The following NKAIN3 variants were observed in gnomAD, a reference collection of about 807,000 sequenced individuals.
NKAIN3 encodes the protein sodium/potassium transporting ATPase interacting 3, also known as sodium/potassium-transporting ATPase subunit beta-1-interacting protein 3.
A neutral mutation model predicts 30.2 loss-of-function variants in NKAIN3; 25 were observed. The observed-to-expected ratio is 0.83, with a 90% CI of 0.60 to 1.16. The LOEUF is 1.16. Among genes scored for constraint, NKAIN3 ranks in the 50% most tolerant of loss-of-function variants. The pLI, the probability that NKAIN3 is intolerant of heterozygous loss-of-function variation, is 0.00. For missense variants in NKAIN3, 225 were observed against 254.1 expected (o/e 0.89, Z 0.78); for synonymous variants, 91 against 89.6 (o/e 1.02, Z -0.09).
At chr8:62,680,971 G>A (rs1246612740) in intron 3 of NKAIN3, among the ~76,000 whole-genome samples, 1 of 152,086 alleles carries the variant, frequency 6.6e-6, no homozygotes, top group African/African-American at 2.4e-5. Context: ...ATACTTTTAT[G>A]AGACAGTAGC....
intron 4 of NKAIN3, among the ~76,000 whole-genome samples, chr8:62,835,018 G>A (rs1185391570): frequency 6.6e-6 from 1 of 151,902 alleles, no homozygotes; most frequent in East Asian, 1.9e-4. Context: ...CAAAACTAAA[G>A]CCACACAAGT....
chr8:62,479,458 A>C (rs1308007066), intron 1 of NKAIN3, among the ~76,000 whole-genome samples: 1 of 152,174 alleles, frequency 6.6e-6, no homozygotes, highest in Non-Finnish European at 1.5e-5. Context: ...TCTGAGTTCC[A>C]AAGGCCCTGT....
At chr8:62,434,566 G>T (rs900066588) in intron 1 of NKAIN3, among the ~76,000 whole-genome samples, 2 of 152,116 alleles carry the variant, frequency 1.3e-5, no homozygotes, top group African/African-American at 4.8e-5. Flanking sequence ...GGAAAAGACT[G>T]CTTTTTCTCT....
intron 6 of NKAIN3, among the ~76,000 whole-genome samples, chr8:62,960,175 A>T (rs1447353743): frequency 1.3e-5 from 2 of 152,174 alleles, no homozygotes; most frequent in Non-Finnish European, 2.9e-5. Flanking sequence ...CTCTGTTTTT[A>T]TTAGGACGGA....
intron 4 of NKAIN3, among the ~76,000 whole-genome samples, chr8:62,867,615 C>A (rs1187908688): frequency 6.6e-6 from 1 of 152,208 alleles, no homozygotes; most frequent in Non-Finnish European, 1.5e-5. Context: ...CTCTTCTCAG[C>A]AAGGCTGTGA....
intron 1 of NKAIN3, among the ~76,000 whole-genome samples, chr8:62,506,667 G>T (rs1295567963): frequency 6.6e-6 from 1 of 151,622 alleles, no homozygotes; most frequent in Admixed American, 6.6e-5. Context: ...TAGAGACAGG[G>T]TTTCACCATA....
chr8:62,321,277 A>C (rs1174585129), intron 1 of NKAIN3, among the ~76,000 whole-genome samples: 1 of 152,116 alleles, frequency 6.6e-6, no homozygotes, highest in Non-Finnish European at 1.5e-5. Context: ...CATGGGTTCG[A>C]ACTTCCTCCT....
At chr8:62,954,726 C>T (rs1430882739) in intron 6 of NKAIN3, among the ~76,000 whole-genome samples, 2 of 152,122 alleles carry the variant, frequency 1.3e-5, no homozygotes, top group Non-Finnish European at 2.9e-5. Flanking sequence ...ATACACTAAC[C>T]ACTTTGCATA....
chr8:62,462,268 T>C (rs963138133), intron 1 of NKAIN3, among the ~76,000 whole-genome samples: 5 of 152,040 alleles, frequency 3.3e-5, no homozygotes, highest in African/African-American at 1.2e-4. Context: ...CAACTCAGAA[T>C]TGGAGGGAGA....
At chr8:62,803,391 A>G (rs1197548667) in intron 4 of NKAIN3, among the ~76,000 whole-genome samples, 12 of 152,074 alleles carry the variant, frequency 7.9e-5, no homozygotes, top group African/African-American at 2.2e-4. Flanking sequence ...AAATGTAAAA[A>G]AACAGATATT....
intron 1 of NKAIN3, among the ~76,000 whole-genome samples, chr8:62,321,908 T>C (rs1814931305): frequency 6.6e-6 from 1 of 152,144 alleles, no homozygotes; most frequent in South Asian, 2.1e-4. Flanking sequence ...TTTTGTTTGG[T>C]TATGCCCTGC....
chr8:62,590,989 G>T (rs921288969), intron 3 of NKAIN3, among the ~76,000 whole-genome samples: 6 of 151,856 alleles, frequency 4.0e-5, no homozygotes, highest in Non-Finnish European at 8.8e-5. Flanking sequence ...ATATAAAAAA[G>T]TAATTAAATT....
chr8:62,761,853 A>G (rs1018163298), intron 4 of NKAIN3, among the ~76,000 whole-genome samples: 24 of 152,188 alleles, frequency 1.6e-4, no homozygotes, highest in African/African-American at 5.3e-4. Context: ...GTTAAGACAG[A>G]GTTTATATTG....
intron 2 of NKAIN3, among the ~76,000 whole-genome samples, chr8:62,580,415 T>A (rs1257974682): frequency 1.3e-5 from 2 of 152,160 alleles, no homozygotes; most frequent in Non-Finnish European, 2.9e-5. Context: ...ATAATAAGCA[T>A]ATATACGTAT....
chr8:62,455,135 C>G (rs553782210), intron 1 of NKAIN3, among the ~76,000 whole-genome samples: 2 of 152,280 alleles, frequency 1.3e-5, no homozygotes, highest in African/African-American at 4.8e-5. Context: ...TGGGGGATGT[C>G]CCTAGAGAAT....
At chr8:62,618,484 C>G (rs551091933) in intron 3 of NKAIN3, among the ~76,000 whole-genome samples, 2 of 152,118 alleles carry the variant, frequency 1.3e-5, no homozygotes, top group African/African-American at 4.8e-5. Flanking sequence ...CTGCTGTAGT[C>G]CCTCATGATT....
At chr8:62,330,348 G>C (rs995421154) in intron 1 of NKAIN3, among the ~76,000 whole-genome samples, 1 of 152,108 alleles carries the variant, frequency 6.6e-6, no homozygotes, top group South Asian at 2.1e-4. Context: ...GCCAGGGTAC[G>C]TAGGAAACAA....
intron 4 of NKAIN3, chr8:62,863,860 T>G (rs1301030405): frequency 1.9e-6 from 3 of 1,563,568 alleles, no homozygotes. Context: ...GATAGCCACC[T>G]TTGCAGTAGT....
chr8:62,252,058 C>T (rs571309789), intron 1 of NKAIN3, among the ~76,000 whole-genome samples: 1 of 152,198 alleles, frequency 6.6e-6, no homozygotes, highest in African/African-American at 2.4e-5. Flanking sequence ...ACTCTGAGCC[C>T]GTATAAGCCT....
Sources: allele counts gnomAD v4.1 joint callset (sites outside exome capture counted in the v4.1 genomes callset), GRCh38; gene constraint gnomAD v4.1.1; transcripts MANE v1.5; gene names NCBI Gene and HGNC (gene_info 2026-07-23, HGNC 2026-07-21).